Variants in VPS35L observed in about 807,000 individuals in gnomAD.
VPS35L encodes VPS35 endosomal protein-sorting factor-like.
In VPS35L, 83 loss-of-function variants were observed where a neutral mutation model predicts 133.0. The ratio of observed to expected loss-of-function variants is 0.62; its 90% CI spans 0.52 to 0.75. The LOEUF is 0.75. VPS35L is among the 30% of genes least tolerant of loss of function. The pLI, the probability that VPS35L is intolerant of heterozygous loss-of-function variation, is 0.00. For synonymous variants in VPS35L, 423 were observed against 449.9 expected, an observed-to-expected ratio of 0.94 and a Z score of 0.76; for missense variants, 1,083 against 1,206.8, an observed-to-expected ratio of 0.90 and a Z score of 1.52.
intron 7 of VPS35L, among the ~76,000 whole-genome samples, chr16:19,590,712 G>T (rs892957641): frequency 6.6e-6 from 1 of 152,128 alleles, no homozygotes; most frequent in Non-Finnish European, 1.5e-5. Flanking sequence ...ACTTTGGGAG[G>T]CTGAGGTGGG....
chr16:19,647,467 G>A (rs1002695734), intron 23 of VPS35L, among the ~76,000 whole-genome samples: 1 of 152,194 alleles, frequency 6.6e-6, no homozygotes, highest in African/African-American at 2.4e-5. Context: ...GTCCCCATCA[G>A]GAAGCAGAAA....
chr16:19,631,936 A>C (rs939019520), intron 18 of VPS35L, among the ~76,000 whole-genome samples: 1 of 148,400 alleles, frequency 6.7e-6, no homozygotes, highest in Non-Finnish European at 1.5e-5. Context: ...TAAATACATT[A>C]TTCTAAGGAA....
At chr16:19,669,618 A>C (rs1173204183) in intron 27 of VPS35L, among the ~76,000 whole-genome samples, 1 of 151,034 alleles carries the variant, frequency 6.6e-6, no homozygotes, top group Non-Finnish European at 1.5e-5. Context: ...GTTGAGTTCT[A>C]GTGAGGACCC....
chr16:19,555,716 A>G lies in VPS35L; in HGVS notation c.-14A>G, dbSNP rs773979943. On this transcript the variant is annotated 5_prime_UTR_variant, in exon 1 of 31. The change abolishes an upstream ATG in the 5' untranslated region. Coordinates refer to ENST00000417362, the MANE Select transcript of VPS35L (RefSeq NM_020314.7). Reference sequence around the variant, plus strand: ...GCAGACGGCCCCAGAACAAGCGGTCATGTGACTGGGAAGATGGCCGTCTTT... The same window carrying G: ...GCAGACGGCCCCAGAACAAGCGGTCGTGTGACTGGGAAGATGGCCGTCTTT... 3 of 1,602,748 alleles carry G rather than the reference A, an allele frequency of 1.9e-6. No homozygotes were observed. The highest frequency in any genetic ancestry group is 2.6e-6 in the Non-Finnish European group (3 of 1,174,628).
At chr16:19,617,659 G>A (rs1175128842) in intron 14 of VPS35L, 2 of 151,904 alleles carry the variant, frequency 1.3e-5, no homozygotes, top group African/African-American at 4.8e-5. Flanking sequence ...TCTTTTCCAA[G>A]ACTGAGAAGC....
At chr16:19,584,694 G>GTTTTTTT (rs887257382) in intron 7 of VPS35L, among the ~76,000 whole-genome samples, 1 of 137,850 alleles carries the variant, frequency 7.3e-6, no homozygotes. Context: ...CTTTCTTTTT[G>GTTTTTTT]TTTTTTTTTA....
At position 19,570,834 on chromosome 16, in the gene VPS35L, C is replaced by CATATAT. The variant is rs58794831; in HGVS notation, c.285+1294_285+1299dup. ...TCGATCATCATCCTATGCTGTGTTT[C>CATATAT]ATATATATATATATATATATATATA... is the stretch of plus-strand genomic sequence containing the variant. On this transcript the variant is annotated intron_variant, in intron 3 of 30. Coordinates refer to ENST00000417362, the MANE Select transcript of VPS35L (RefSeq NM_020314.7). 3.1e-3 allele frequency among the ~76,000 whole-genome samples: 245 copies of CATATAT among 78,720 alleles called. 3 individuals are homozygous for CATATAT. Among genetic ancestry groups the CATATAT allele is most frequent in the Non-Finnish European group, 5.4e-3 (193 of 36,004 alleles). The allele number at this position is 78,720 out of a possible 152,430, so 51.6% of individuals were successfully genotyped here.
intron 12 of VPS35L, among the ~76,000 whole-genome samples, chr16:19,615,269 G>C (rs1972848019): frequency 6.6e-6 from 1 of 152,118 alleles, no homozygotes; most frequent in Non-Finnish European, 1.5e-5. Flanking sequence ...CTTTGGGGAA[G>C]GGCAAAGATG....
At position 19,567,223 on chromosome 16, in the gene VPS35L, A is replaced by G. The variant is rs572133202; in HGVS notation, c.118-2201A>G. Among the ~76,000 whole-genome samples the G allele has an allele frequency of 2.0e-3, 300 of 152,348 alleles. 1 individual carries two copies. The highest frequency in any genetic ancestry group is 1.8e-3 in the Non-Finnish European group (120 of 68,028). On this transcript the variant is annotated intron_variant, in intron 2 of 30. Transcript: ENST00000417362. ...CTAAACTTGATTTAACACCCATACC[A>G]TAACAGAATAGCTGAGAAGAGCTGC... is the stretch of plus-strand genomic sequence containing the variant.
intron 21 of VPS35L, 88 bp downstream of exon 21, chr16:19,640,188 C>G: frequency 8.5e-7 from 1 of 1,179,892 alleles, no homozygotes; most frequent in African/African-American, 1.5e-5. Context: ...CACTTTGAGG[C>G]CGAGTGATGT....
intron 3 of VPS35L, among the ~76,000 whole-genome samples, chr16:19,570,881 A>ATTTTTT (rs1567388851): frequency 1.6e-5 from 1 of 64,310 alleles, no homozygotes; most frequent in African/African-American, 8.0e-5. Flanking sequence ...ATATATATAT[A>ATTTTTT]TATATATATT....
intron 26 of VPS35L, among the ~76,000 whole-genome samples, chr16:19,654,135 AT>A (rs904750290): frequency 6.6e-6 from 1 of 151,720 alleles, no homozygotes; most frequent in East Asian, 1.9e-4. Flanking sequence ...AGATAGTTGT[AT>A]TTTTTTTGAA....
At chr16:19,696,037 C>T (rs1240330212) in intron 29 of VPS35L, among the ~76,000 whole-genome samples, 1 of 152,074 alleles carries the variant, frequency 6.6e-6, no homozygotes, top group Admixed American at 6.6e-5. Context: ...CAGGCGCGTG[C>T]CACCACACCT....
intron 25 of VPS35L, among the ~76,000 whole-genome samples, chr16:19,650,959 A>G (rs1597395466): frequency 6.6e-6 from 1 of 151,332 alleles, no homozygotes; most frequent in Non-Finnish European, 1.5e-5. Flanking sequence ...GCTCACTGCA[A>G]CCTCCGCCTC....
intron 9 of VPS35L, among the ~76,000 whole-genome samples, chr16:19,607,501 G>A (rs189457920): frequency 6.6e-6 from 1 of 152,316 alleles, no homozygotes; most frequent in Admixed American, 6.5e-5. Flanking sequence ...AGGAAAATGC[G>A]AGTTCTTTTA....
chr16:19,578,838 A>T, intron 5 of VPS35L: 1 of 580,038 alleles, frequency 1.7e-6, no homozygotes. Context: ...AGGCTGGCCC[A>T]CTGGGCTCCC....
chr16:19,657,560 C>A (rs1408772697), intron 26 of VPS35L, among the ~76,000 whole-genome samples: 1 of 152,120 alleles, frequency 6.6e-6, no homozygotes, highest in East Asian at 1.9e-4. Context: ...TGCTTTTCCC[C>A]CTGTAAGCGC....
chr16:19,564,110 ACT>A (rs1384467254), intron 1 of VPS35L, among the ~76,000 whole-genome samples: 1 of 151,854 alleles, frequency 6.6e-6, no homozygotes, highest in Non-Finnish European at 1.5e-5. Flanking sequence ...ACAGAGTCTC[ACT>A]CTGTCCCCCA....
At chr16:19,578,155 G>A (rs1284198027) in intron 5 of VPS35L, 2 of 417,260 alleles carry the variant, frequency 4.8e-6, no homozygotes, top group Admixed American at 6.2e-5. Context: ...ATCTATGCCT[G>A]CTCTTGTGCT....
Sources: gnomAD v4.1 joint callset for allele counts (sites outside exome capture counted in the v4.1 genomes callset) on GRCh38, gnomAD v4.1.1 for gene constraint, MANE v1.5 for transcripts, NCBI Gene and HGNC (gene_info 2026-07-23, HGNC 2026-07-21) for gene names.